GALNT2: variants seen among roughly 807,000 people sequenced by gnomAD.
GALNT2 encodes UDP-GalNAc:polypeptide N-acetylgalactosaminyltransferase 2.
In GALNT2, 31 loss-of-function variants were observed where a neutral mutation model predicts 81.4. The observed-to-expected ratio is 0.38, with a 90% CI of 0.29 to 0.51. The LOEUF is 0.51. GALNT2 is among the 20% of genes least tolerant of loss of function. The pLI is 0.87. For synonymous variants in GALNT2, 303 were observed against 287.4 expected, an observed-to-expected ratio of 1.05 and a Z score of -0.55; for missense variants, 629 against 765.7, an observed-to-expected ratio of 0.82 and a Z score of 2.11.
intron 6 of GALNT2, among the ~76,000 whole-genome samples, chr1:230,239,181 ATCT>A (rs2102738241): frequency 6.6e-6 from 1 of 152,222 alleles, no homozygotes; most frequent in South Asian, 2.1e-4. Context: ...GGTAATTTAT[ATCT>A]TCTTATTTTC....
chr1:230,269,159 TG>T (rs1666108361), intron 14 of GALNT2, among the ~76,000 whole-genome samples: 1 of 150,116 alleles, frequency 6.7e-6, no homozygotes, highest in Non-Finnish European at 1.5e-5. Context: ...TTTTTTTTTT[TG>T]AGACGGAGTT....
At chr1:230,209,823 CAA>C (rs11302394) in intron 3 of GALNT2, among the ~76,000 whole-genome samples, 90 of 134,988 alleles carry the variant, frequency 6.7e-4, no homozygotes, top group African/African-American at 5.7e-4. Flanking sequence ...GACCTTGTCT[CAA>C]AAAAAAAAAA....
chr1:230,162,690 G>A (rs1043655663), intron 1 of GALNT2, among the ~76,000 whole-genome samples: 2 of 152,138 alleles, frequency 1.3e-5, no homozygotes, highest in African/African-American at 4.8e-5. Flanking sequence ...AACAGTATGT[G>A]ACTTAACTGT....
At chr1:230,254,308 T>C (rs1283826612) in intron 10 of GALNT2, among the ~76,000 whole-genome samples, 1 of 152,074 alleles carries the variant, frequency 6.6e-6, no homozygotes, top group Non-Finnish European at 1.5e-5. Flanking sequence ...GCAGTCTGTG[T>C]GTTTAAGTAG....
Position 230,280,022 on chromosome 1 carries a change from T to C in GALNT2, c.*564T>C. The stretch of plus-strand genomic sequence containing the variant: ...TCCCCTCCACCTCATGTACTTGCTA[T>C]ATTGAGGATGAAGTTTTCTATGGTG... On this transcript the variant is annotated 3_prime_UTR_variant, in exon 16 of 16. Coordinates refer to ENST00000366672, the MANE Select transcript of GALNT2 (RefSeq NM_004481.5). The C allele has an allele frequency of 2.2e-6, 1 of 456,072 alleles. No homozygotes were observed. Among genetic ancestry groups the C allele is most frequent in the Admixed American group, 2.3e-5 (1 of 42,570 alleles). The allele number at this position is 456,072 out of a possible 1,614,324, so 28.3% of individuals were successfully genotyped here. A position where few individuals can be genotyped will look rare whatever the true frequency, so the allele number is the denominator to read the frequency against.
chr1:230,142,544 C>G (rs7543050), intron 1 of GALNT2, among the ~76,000 whole-genome samples: 117,844 of 152,092 alleles, frequency 0.77, 46,205 homozygotes, highest in Admixed American at 0.81. Flanking sequence ...GTACCTACCT[C>G]CTAGGGCTCT....
At chr1:230,103,494 TTGG>T (rs1660457469) in intron 1 of GALNT2, among the ~76,000 whole-genome samples, 1 of 152,236 alleles carries the variant, frequency 6.6e-6, no homozygotes, top group Non-Finnish European at 1.5e-5. Context: ...ATCTTCAGCC[TTGG>T]TGGTTGGAAA....
chr1:230,147,043 A>T (rs1178221615), intron 1 of GALNT2, among the ~76,000 whole-genome samples: 1 of 151,906 alleles, frequency 6.6e-6, no homozygotes, highest in Non-Finnish European at 1.5e-5. Flanking sequence ...CAGCTGTGGC[A>T]GGGTGAATTG....
intron 1 of GALNT2, among the ~76,000 whole-genome samples, chr1:230,084,684 G>GC (rs1659848010): frequency 6.6e-6 from 1 of 152,146 alleles, no homozygotes; most frequent in South Asian, 2.1e-4. Context: ...GGCATCCCTG[G>GC]CCCCTGGCTC....
chr1:230,080,028 T>C (rs1242374437), intron 1 of GALNT2, among the ~76,000 whole-genome samples: 1 of 152,224 alleles, frequency 6.6e-6, no homozygotes, highest in Non-Finnish European at 1.5e-5. Context: ...CCCCTCTTCC[T>C]GGTAATAAAT....
At chr1:230,254,291 G>A (rs1329244633) in intron 10 of GALNT2, among the ~76,000 whole-genome samples, 1 of 152,146 alleles carries the variant, frequency 6.6e-6, no homozygotes, top group East Asian at 1.9e-4. Context: ...GAGTTCCAAT[G>A]CTCAGGGCAG....
At position 230,263,400 on chromosome 1, in the gene GALNT2, C is replaced by T. The variant is rs1045219451; in HGVS notation, c.1313+395C>T. 12 of 196,202 alleles carry T rather than the reference C, an allele frequency of 6.1e-5. No individual in the cohort carries two copies. The South Asian group carries it at 6.4e-4, about 10-fold the overall frequency. 12.2% of individuals were successfully genotyped at this position (196,202 alleles called of 1,614,324 possible). On this transcript the variant is annotated intron_variant, in intron 13 of 15. Coordinates refer to ENST00000366672, the MANE Select transcript of GALNT2 (RefSeq NM_004481.5). ...GTCTGCAGCCAGCCCTCGATCCCCC[C>T]GCCAGGCGCCTTTGCATGCCTCCGA...
At chr1:230,067,048 G>A (rs1264507752), upstream of GALNT2, among the ~76,000 whole-genome samples, 2 of 148,232 alleles carry the variant, frequency 1.3e-5, no homozygotes, top group Non-Finnish European at 3.0e-5. Context: ...GACCCCCCTC[G>A]CCGCCTCCGA....
intron 1 of GALNT2, among the ~76,000 whole-genome samples, chr1:230,127,367 A>G (rs1661217591): frequency 6.6e-6 from 1 of 152,006 alleles, no homozygotes; most frequent in Non-Finnish European, 1.5e-5. Context: ...TTTGATTTCA[A>G]ATTCATTATG....
chr1:230,222,553 A>G (rs555325047), intron 3 of GALNT2, among the ~76,000 whole-genome samples: 3 of 152,254 alleles, frequency 2.0e-5, no homozygotes, highest in Admixed American at 6.5e-5. Context: ...CTTATTTAGG[A>G]AAGAGTTTCA....
At chr1:230,132,953 G>T (rs1040989524) in intron 1 of GALNT2, among the ~76,000 whole-genome samples, 1 of 152,216 alleles carries the variant, frequency 6.6e-6, no homozygotes, top group Non-Finnish European at 1.5e-5. Context: ...GAAGCAGGAA[G>T]AAGGAACACA....
chr1:230,221,497 G>T (rs1331832213), intron 3 of GALNT2, among the ~76,000 whole-genome samples: 4 of 152,224 alleles, frequency 2.6e-5, no homozygotes, highest in African/African-American at 9.6e-5. Flanking sequence ...ATAGCTGAAA[G>T]TGTCTGTGGC....
intron 1 of GALNT2, among the ~76,000 whole-genome samples, chr1:230,068,136 C>T (rs1363902198): frequency 2.0e-5 from 3 of 152,258 alleles, no homozygotes; most frequent in Admixed American, 2.0e-4. Context: ...TCCATCCCCA[C>T]TCCCCGCTTC....
intron 3 of GALNT2, among the ~76,000 whole-genome samples, chr1:230,223,941 G>A (rs1474592916): frequency 6.6e-6 from 1 of 152,214 alleles, no homozygotes; most frequent in Admixed American, 6.5e-5. Flanking sequence ...CCCAGCTTTT[G>A]TGGGGAGAAC....
Sources: gnomAD v4.1 joint callset for allele counts (sites outside exome capture counted in the v4.1 genomes callset) on GRCh38, gnomAD v4.1.1 for gene constraint, MANE v1.5 for transcripts, NCBI Gene and HGNC (gene_info 2026-07-23, HGNC 2026-07-21) for gene names.